PHF20L1: variants seen among roughly 807,000 people sequenced by gnomAD.
PHF20L1 encodes PHD finger protein 20-like protein 1.
In PHF20L1, 44 loss-of-function variants were observed where a neutral mutation model predicts 125.5. The ratio of observed to expected loss-of-function variants is 0.35; its 90% confidence interval spans 0.28 to 0.45. The LOEUF is 0.45. Ranked by LOEUF, PHF20L1 falls within the 20% of genes least tolerant of loss-of-function variation. PHF20L1 has a pLI of 1.00. For synonymous variants in PHF20L1, 380 were observed against 403.1 expected (o/e 0.94, Z 0.69); for missense variants, 1,012 against 1,217.2 (o/e 0.83, Z 2.51).
intron 14 of PHF20L1, among the ~76,000 whole-genome samples, 190 bp from the exon 15 acceptor site, chr8:132,832,045 G>T (rs1042342274): frequency 6.6e-6 from 1 of 151,914 alleles, no homozygotes; most frequent in African/African-American, 2.4e-5. Flanking sequence ...TATTGTCTGG[G>T]GTATATTTGT....
chr8:132,819,194 G>A (rs937665144), intron 12 of PHF20L1, among the ~76,000 whole-genome samples: 2 of 151,882 alleles, frequency 1.3e-5, no homozygotes, highest in African/African-American at 4.8e-5. Context: ...TATTGGAAAA[G>A]TAAAATAAGT....
Position 132,775,486 on chromosome 8 carries a change from G to C in PHF20L1, c.-197G>C, listed in dbSNP as rs1039234390. The C allele has an allele frequency of 1.9e-5, 7 of 376,842 alleles. No individual in the cohort carries two copies. The allele number at this position is 376,842 out of a possible 1,614,324, so 23.3% of individuals were successfully genotyped here. On this transcript the variant is annotated 5_prime_UTR_variant, in exon 1 of 21. Coordinates refer to ENST00000395386, the MANE Select transcript of PHF20L1 (RefSeq NM_016018.5). ...ACCCAGCTCCCTCCCGCGAAACCTT[G>C]GGCGGATCCGGCGCTGCGGCCCCAG...
At chr8:132,802,068 A>G (rs1377202104) in intron 6 of PHF20L1, among the ~76,000 whole-genome samples, 1 of 151,466 alleles carries the variant, frequency 6.6e-6, no homozygotes, top group Non-Finnish European at 1.5e-5. Flanking sequence ...TGTGGCATAT[A>G]ACACTTTCCT....
At chr8:132,837,997 A>G in intron 17 of PHF20L1, 186 bp downstream of exon 17, 1 of 540,710 alleles carries the variant, frequency 1.8e-6, no homozygotes, top group African/African-American at 1.9e-5. Flanking sequence ...ACTTGTATGT[A>G]TCAATTAGCT....
chr8:132,794,666 G>T, intron 3 of PHF20L1, 67 bp from the exon 4 acceptor site: 1 of 1,491,908 alleles, frequency 6.7e-7, no homozygotes, highest in Non-Finnish European at 9.3e-7. Context: ...TTATACAAAA[G>T]CCTGTTTTTG....
chr8:132,841,784 A>G (rs1268926504), intron 18 of PHF20L1: 3 of 152,272 alleles, frequency 2.0e-5, no homozygotes, highest in African/African-American at 7.2e-5. Context: ...CAGCAATCCC[A>G]TATCTAGAAA....
intron 15 of PHF20L1, among the ~76,000 whole-genome samples, chr8:132,832,772 A>G (rs991186057): frequency 2.0e-5 from 3 of 152,104 alleles, no homozygotes; most frequent in African/African-American, 7.2e-5. Flanking sequence ...TTAAAACTCT[A>G]ACCAAGGTCT....
At chr8:132,824,382 G>A (rs1835926387) in intron 13 of PHF20L1, 1 of 196,202 alleles carries the variant, frequency 5.1e-6, no homozygotes, top group Non-Finnish European at 1.0e-5. Context: ...ATGGATGCTA[G>A]ATTAAAATAG....
chr8:132,842,712 G>A lies in PHF20L1; in HGVS notation c.2585G>A (p.Ser862Asn). 1.9e-6 allele frequency: 3 copies of A among 1,613,290 alleles called. No homozygotes were observed. Among genetic ancestry groups the A allele is most frequent in the Non-Finnish European group, 2.5e-6 (3 of 1,179,594 alleles). Residue 862 changes from serine to asparagine, a missense_variant, in exon 19 of 21, where the codon AGC becomes AAC. Around this residue, in one of 7 missense-constraint regions of PHF20L1, gnomAD observed 277 missense variants for 283.6 expected, o/e 0.98. Transcript: ENST00000395386. ...GGAACTTATATAACAAGTGAGCATA[G>A]CTATCAAAAGCCACAAAGTTTTGGT... ...MEGTYITSEH[S>N]YQKPQSFGQD...
At chr8:132,796,387 C>A (rs1832394479) in intron 4 of PHF20L1, among the ~76,000 whole-genome samples, 1 of 151,824 alleles carries the variant, frequency 6.6e-6, no homozygotes, top group African/African-American at 2.4e-5. Context: ...AGTTTTTAGG[C>A]TGAGGATTTA....
Position 132,836,728 on chromosome 8 carries a change from G to T in PHF20L1, c.2091+7G>T, listed in dbSNP as rs1837395458. On this transcript the variant is annotated splice_region_variant and intron_variant, in intron 16 of 20. Coordinates refer to ENST00000395386, the MANE Select transcript of PHF20L1 (RefSeq NM_016018.5). Reference sequence around the variant, plus strand: ...GAATGGCTTCATGATCCAGGTAATTGGTTAACCTCTCTTCCCTATAATGAG... The same window carrying T: ...GAATGGCTTCATGATCCAGGTAATTTGTTAACCTCTCTTCCCTATAATGAG... 13 of 1,601,922 alleles carry T rather than the reference G, an allele frequency of 8.1e-6. No individual in the cohort carries two copies. The highest frequency in any genetic ancestry group is 1.1e-5 in the Non-Finnish European group (13 of 1,170,064).
chr8:132,801,786 A>G (rs1168476381), intron 6 of PHF20L1, among the ~76,000 whole-genome samples: 1 of 151,698 alleles, frequency 6.6e-6, no homozygotes, highest in Non-Finnish European at 1.5e-5. Context: ...AAAATAAAAG[A>G]GCAAAACAGT....
In PHF20L1 at chr8:132,803,894, G is replaced by A. The variant is rs146835449; in HGVS notation, c.583G>A (p.Ala195Thr). 7.3e-5 allele frequency: 117 copies of A among 1,610,442 alleles called. No homozygotes were observed. The highest frequency in any genetic ancestry group is 6.7e-4 in the African/African-American group (50 of 74,718). The part of the protein sequence containing the change: ...NKTGSKPRTS[A>T]NSNKDKDKDE... ...AACAGGGAGTAAACCTCGAACCAGC[G>A]CTAACAGCAATAAAGATAAGGATAA... The change falls in exon 7 of 21, where the codon GCT (alanine) becomes ACT (threonine). Residue 195 changes from alanine to threonine, a missense_variant. By Grantham distance (58) the Ala-to-Thr change is moderately conservative. Coordinates refer to ENST00000395386, the MANE Select transcript of PHF20L1 (RefSeq NM_016018.5).
chr8:132,794,274 G>A (rs879852851), intron 2 of PHF20L1, 136 bp from the exon 3 acceptor site: 13 of 573,694 alleles, frequency 2.3e-5, no homozygotes, highest in Non-Finnish European at 4.0e-5. Flanking sequence ...TTTTTGGTTA[G>A]TTTTAAAATA....
At chr8:132,787,504 T>G (rs1831189068) in intron 2 of PHF20L1, among the ~76,000 whole-genome samples, 1 of 152,108 alleles carries the variant, frequency 6.6e-6, no homozygotes, top group Non-Finnish European at 1.5e-5. Flanking sequence ...GTTCTTAAAC[T>G]TCAGTGTTGG....
intron 8 of PHF20L1, chr8:132,807,590 C>T: frequency 2.7e-6 from 1 of 371,820 alleles, no homozygotes; most frequent in Admixed American, 3.6e-5. Context: ...GATTCTTAGT[C>T]CCAGCAAGAA....
At position 132,794,536 on chromosome 8, in the gene PHF20L1, A is replaced by AC; in HGVS notation, c.212dup (p.Ala72SerfsTer10). ...GCAATAGATTGCGACCCCTTGAGAG[A>AC]CCAGCACTAAGAAAAGAAGGGCTAA... On this transcript the variant is annotated frameshift_variant, in exon 3 of 21. Transcript: ENST00000395386. LOFTEE classifies it high-confidence loss of function. The AC allele has an allele frequency of 6.2e-7, 1 of 1,612,374 alleles. No homozygotes were observed. The highest frequency in any genetic ancestry group is 8.5e-7 in the Non-Finnish European group (1 of 1,178,776).
At chr8:132,838,390 G>A (rs148832706) in intron 17 of PHF20L1, 1 of 154,220 alleles carries the variant, frequency 6.5e-6, no homozygotes, top group Admixed American at 6.3e-5. Context: ...AGCAGGTGGG[G>A]TCTTAGAACA....
chr8:132,798,187 A>G (rs1211295475), intron 4 of PHF20L1, among the ~76,000 whole-genome samples: 2 of 152,004 alleles, frequency 1.3e-5, no homozygotes, highest in African/African-American at 2.4e-5. Context: ...CATTGGGTGT[A>G]GCATTTAGCC....
Sources: allele counts gnomAD v4.1 joint callset (sites outside exome capture counted in the v4.1 genomes callset), GRCh38; gene constraint gnomAD v4.1.1; regional missense constraint gnomAD v4.1.1; transcripts MANE v1.5; gene names NCBI Gene and HGNC (gene_info 2026-07-23, HGNC 2026-07-21).